Variants in ZHX2 observed in about 807,000 individuals in gnomAD.
The protein encoded by ZHX2 is zinc fingers and homeoboxes protein 2.
In ZHX2, 6 loss-of-function variants were observed where a neutral mutation model predicts 21.9. The observed-to-expected ratio is 0.27, with a 90% CI of 0.15 to 0.54. The LOEUF is 0.54. Ranked by LOEUF, ZHX2 falls within the 20% of genes least tolerant of loss-of-function variation. The pLI is 0.95. For missense variants in ZHX2, 908 were observed against 1,090.7 expected (o/e 0.83, Z 2.36); for synonymous variants, 434 against 437.1 (o/e 0.99, Z 0.09).
chr8:122,928,382 T>C (rs1820905276), intron 2 of ZHX2, among the ~76,000 whole-genome samples: 1 of 152,004 alleles, frequency 6.6e-6, no homozygotes, highest in African/African-American at 2.4e-5. Context: ...CAAGGAGAAG[T>C]AGGGGACATT....
intron 2 of ZHX2, among the ~76,000 whole-genome samples, chr8:122,870,500 G>C (rs148289470): frequency 1.3e-5 from 2 of 151,674 alleles, no homozygotes; most frequent in Admixed American, 6.6e-5. Flanking sequence ...ATAGCTGGGC[G>C]TAGTGACAGG....
intron 2 of ZHX2, among the ~76,000 whole-genome samples, chr8:122,896,063 A>G (rs1260202737): frequency 6.6e-6 from 1 of 152,104 alleles, no homozygotes. Flanking sequence ...TGGCAAATGC[A>G]GAGGTGGGGA....
At chr8:122,872,946 C>A (rs1184877461) in intron 2 of ZHX2, among the ~76,000 whole-genome samples, 3 of 152,138 alleles carry the variant, frequency 2.0e-5, no homozygotes, top group Non-Finnish European at 2.9e-5. Context: ...GGCTGTGCTT[C>A]CACAGTGCTC....
chr8:122,795,854 A>G (rs1033214192), intron 1 of ZHX2, among the ~76,000 whole-genome samples: 7 of 152,160 alleles, frequency 4.6e-5, no homozygotes, highest in African/African-American at 1.7e-4. Context: ...ACAGTGCTGG[A>G]CTGTTATGTA....
At chr8:122,785,066 A>C (rs894098345) in intron 1 of ZHX2, among the ~76,000 whole-genome samples, 2 of 152,260 alleles carry the variant, frequency 1.3e-5, no homozygotes, top group Non-Finnish European at 2.9e-5. Context: ...AAGCAGGCTT[A>C]GATAAGTGCT....
At chr8:122,855,821 A>G (rs1819011766) in intron 1 of ZHX2, among the ~76,000 whole-genome samples, 1 of 152,230 alleles carries the variant, frequency 6.6e-6, no homozygotes, top group East Asian at 1.9e-4. Flanking sequence ...CTCCTTCTGT[A>G]TTCCCAGCTA....
In ZHX2 at chr8:122,951,291, G is replaced by A; in HGVS notation, c.-219-1G>A. The stretch of plus-strand genomic sequence containing the variant: ...GACCCTGTCTTTGTTCTTGTCCACA[G>A]ATATGATGCTTCCTGGTGTGTTTAG... On this transcript the variant is annotated splice_acceptor_variant, in intron 2 of 3. Transcript: ENST00000314393. LOFTEE classifies it low-confidence loss of function (5UTR_SPLICE). 1 of 553,390 alleles carries A rather than the reference G, an allele frequency of 1.8e-6. No homozygotes were observed. Among genetic ancestry groups the A allele is most frequent in the Non-Finnish European group, 3.2e-6 (1 of 310,078 alleles). 34.3% of individuals were successfully genotyped at this position (553,390 alleles called of 1,614,324 possible).
At chr8:122,831,910 T>C (rs113267659) in intron 1 of ZHX2, among the ~76,000 whole-genome samples, 1 of 152,308 alleles carries the variant, frequency 6.6e-6, no homozygotes, top group African/African-American at 2.4e-5. Flanking sequence ...GTTCAGCTTC[T>C]TGGGAGGTGG....
chr8:122,796,537 T>C (rs1035277198), intron 1 of ZHX2, among the ~76,000 whole-genome samples: 1 of 152,226 alleles, frequency 6.6e-6, no homozygotes, highest in Admixed American at 6.5e-5. Context: ...GCTTAAGTAA[T>C]AGAATAGCAG....
intron 3 of ZHX2, among the ~76,000 whole-genome samples, chr8:122,955,072 G>GC (rs1554589358): frequency 8.2e-6 from 1 of 121,524 alleles, no homozygotes; most frequent in African/African-American, 3.3e-5. Flanking sequence ...CATAAGCCGG[G>GC]GGGGGGGGGG....
rs1170536264 is a variant in ZHX2, at chr8:122,828,689, G to T, written c.-282-34788G>T. ...TGAGAAGGGACTGCTCTGAGGGAAT[G>T]AGTGGTTCATTTAATCGCAGGTGTG... On this transcript the variant is annotated intron_variant, in intron 1 of 3. Transcript: ENST00000314393. The surrounding 1 kb of genome is among the most constrained non-coding windows in gnomAD (Gnocchi z 5.2). 6.6e-6 allele frequency among the ~76,000 whole-genome samples: 1 copy of T among 152,232 alleles called. No homozygotes were observed. Among genetic ancestry groups the T allele is most frequent in the Non-Finnish European group, 1.5e-5 (1 of 68,044 alleles).
intron 2 of ZHX2, among the ~76,000 whole-genome samples, chr8:122,927,629 G>A (rs770116743): frequency 1.3e-5 from 2 of 152,180 alleles, no homozygotes; most frequent in Non-Finnish European, 2.9e-5. Flanking sequence ...AGGCAAGAAA[G>A]CTTGTGCAGG....
chr8:122,820,215 C>T (rs965752623), intron 1 of ZHX2, among the ~76,000 whole-genome samples: 2 of 152,372 alleles, frequency 1.3e-5, no homozygotes, highest in Admixed American at 6.5e-5. Flanking sequence ...GACTCTTGTC[C>T]TCTGTCCCAG....
At chr8:122,934,643 C>T (rs140090418) in intron 2 of ZHX2, among the ~76,000 whole-genome samples, 7,122 of 149,168 alleles carry the variant, frequency 0.048, 234 homozygotes, top group Non-Finnish European at 0.069. Context: ...TCCTTCCTTC[C>T]TTCCTTCTTT....
At chr8:122,896,903 T>C (rs919135865) in intron 2 of ZHX2, among the ~76,000 whole-genome samples, 1 of 152,234 alleles carries the variant, frequency 6.6e-6, no homozygotes, top group Non-Finnish European at 1.5e-5. Flanking sequence ...GTAGATGATG[T>C]GTCCAAACTC....
At chr8:122,849,523 T>A (rs1035664454) in intron 1 of ZHX2, among the ~76,000 whole-genome samples, 4 of 152,194 alleles carry the variant, frequency 2.6e-5, no homozygotes, top group African/African-American at 7.2e-5. Context: ...ATCTTTTTTT[T>A]GCCTCTTCTG....
In ZHX2 at chr8:122,945,436, C is replaced by CAAAAAAAAAAAA. The variant is rs60890533; in HGVS notation, c.-219-5840_-219-5829dup. ...CTCTTTTATATAAACCCTGTCTCTG[C>CAAAAAAAAAAAA]AAAAAAAAAAAAAAAAAAAAAAAAA... On this transcript the variant is annotated intron_variant, in intron 2 of 3. Transcript: ENST00000314393. 2.2e-3 allele frequency among the ~76,000 whole-genome samples: 161 copies of CAAAAAAAAAAAA among 73,652 alleles called. 20 individuals are homozygous for CAAAAAAAAAAAA. The highest frequency in any genetic ancestry group is 8.2e-3 in the Middle Eastern group (1 of 122). 48.3% of individuals were successfully genotyped at this position (73,652 alleles called of 152,430 possible). A position where few individuals can be genotyped will look rare whatever the true frequency, so the allele number is the denominator to read the frequency against.
chr8:122,800,412 G>A (rs940815268), intron 1 of ZHX2, among the ~76,000 whole-genome samples: 1 of 152,182 alleles, frequency 6.6e-6, no homozygotes, highest in African/African-American at 2.4e-5. Flanking sequence ...CTGGTGCGGT[G>A]CCTGCAAACC....
chr8:122,941,162 A>T, intron 2 of ZHX2, among the ~76,000 whole-genome samples: 1 of 151,998 alleles, frequency 6.6e-6, no homozygotes, highest in East Asian at 1.9e-4. Context: ...TGGGAGGATC[A>T]CTTGAACCCA....
Sources: allele counts gnomAD v4.1 joint callset (sites outside exome capture counted in the v4.1 genomes callset), GRCh38; gene constraint gnomAD v4.1.1; non-coding constraint Gnocchi (gnomAD v3.1); transcripts MANE v1.5; gene names NCBI Gene and HGNC (gene_info 2026-07-23, HGNC 2026-07-21).